The following ULK4 variants were observed in gnomAD, a reference collection of about 807,000 sequenced individuals.
ULK4 encodes the protein unc-51 like kinase 4.
A neutral mutation model predicts 160.6 loss-of-function variants in ULK4; 133 were observed. The ratio of observed to expected loss-of-function variants is 0.83; its 90% CI spans 0.72 to 0.96. The LOEUF (loss-of-function observed/expected upper bound fraction) is 0.96. Among genes scored for constraint, ULK4 ranks in the 40% least tolerant of loss-of-function variants. The pLI is 0.00. For synonymous variants in ULK4, 534 were observed against 539.8 expected, an observed-to-expected ratio of 0.99 and a Z score of 0.15; for missense variants, 1,580 against 1,499.5, an observed-to-expected ratio of 1.05 and a Z score of -0.89.
At chr3:41,457,304 G>A (rs1322574401) in intron 33 of ULK4, among the ~76,000 whole-genome samples, 1 of 152,078 alleles carries the variant, frequency 6.6e-6, no homozygotes, top group Non-Finnish European at 1.5e-5. Context: ...AACACTGTAG[G>A]ACTTTTTCCA....
intron 32 of ULK4, among the ~76,000 whole-genome samples, chr3:41,535,588 A>G (rs555980319): frequency 6.6e-6 from 1 of 152,256 alleles, no homozygotes; most frequent in Non-Finnish European, 1.5e-5. Context: ...GCAAAGATTT[A>G]CAGTAGACTT....
At chr3:41,345,129 T>C (rs2080773048) in intron 35 of ULK4, among the ~76,000 whole-genome samples, 1 of 152,108 alleles carries the variant, frequency 6.6e-6, no homozygotes. Flanking sequence ...AAACAACAGA[T>C]GCTGATGAGA....
rs77716609 is a variant in ULK4, at chr3:41,380,548, A to G, written c.3678+17531T>C. Among the ~76,000 whole-genome samples, 1,018 of 152,166 alleles carry G rather than the reference A, an allele frequency of 6.7e-3. 5 individuals carry two copies. Among genetic ancestry groups the G allele is most frequent in the African/African-American group, 0.015 (627 of 41,508 alleles). Reference sequence around the variant, plus strand: ...GGAGGTCACCTCTGTCCTGGCTGGAATCAGGAGTCATCCCAGAACTCTTCA... The same window carrying G: ...GGAGGTCACCTCTGTCCTGGCTGGAGTCAGGAGTCATCCCAGAACTCTTCA... On this transcript the variant is annotated intron_variant, in intron 35 of 36. Coordinates refer to ENST00000301831, the MANE Select transcript of ULK4 (RefSeq NM_017886.4).
chr3:41,553,929 T>G (rs1247026703), intron 32 of ULK4, among the ~76,000 whole-genome samples: 1 of 152,102 alleles, frequency 6.6e-6, no homozygotes. Flanking sequence ...TATTCATTCT[T>G]TCTAACTATT....
Position 41,717,867 on chromosome 3 carries a change from T to A in ULK4, c.2322-6A>T. On this transcript the variant is annotated splice_polypyrimidine_tract_variant and splice_region_variant and intron_variant, in intron 22 of 36. Transcript: ENST00000301831. ...TCTCGATGTACATCACCAGTCTACA[T>A]ACAGGAAAGTGCAAAGATTACCTCT... is the stretch of plus-strand genomic sequence containing the variant. The A allele has an allele frequency of 6.2e-7, 1 of 1,613,600 alleles. No individual in the cohort carries two copies. The highest frequency in any genetic ancestry group is 1.1e-5 in the South Asian group (1 of 90,992).
chr3:41,400,285 T>G (rs1158158416), intron 34 of ULK4, among the ~76,000 whole-genome samples: 1 of 151,890 alleles, frequency 6.6e-6, no homozygotes, highest in African/African-American at 2.4e-5. Flanking sequence ...TGTGTAGATT[T>G]GGTGACAACC....
chr3:41,845,806 T>C (rs896929746), intron 17 of ULK4, among the ~76,000 whole-genome samples: 1 of 152,166 alleles, frequency 6.6e-6, no homozygotes, highest in Non-Finnish European at 1.5e-5. Context: ...TCCCCAATGT[T>C]GGATCACAAC....
intron 35 of ULK4, among the ~76,000 whole-genome samples, chr3:41,367,289 T>C (rs1003972084): frequency 6.6e-6 from 1 of 152,244 alleles, no homozygotes; most frequent in Non-Finnish European, 1.5e-5. Flanking sequence ...TTCTCCTAAG[T>C]AGATGCTGCC....
intron 2 of ULK4, among the ~76,000 whole-genome samples, chr3:41,952,449 A>G (rs1337188011): frequency 1.3e-5 from 2 of 152,246 alleles, no homozygotes; most frequent in African/African-American, 4.8e-5. Context: ...CAAATTGTCT[A>G]TAAGCATATG....
chr3:41,831,531 A>ATATAGATATATAGATATAT, intron 18 of ULK4, among the ~76,000 whole-genome samples: 1 of 138,066 alleles, frequency 7.2e-6, no homozygotes, highest in African/African-American at 2.8e-5. Context: ...ATATATATAT[A>ATATAGATATATAGATATAT]TTTTTTTTTC....
intron 32 of ULK4, among the ~76,000 whole-genome samples, chr3:41,523,428 A>G (rs1417117538): frequency 2.6e-5 from 4 of 152,260 alleles, no homozygotes; most frequent in Admixed American, 2.6e-4. Flanking sequence ...ATGAATGGTC[A>G]TAATGGTTAC....
intron 33 of ULK4, among the ~76,000 whole-genome samples, chr3:41,456,589 T>C (rs546710285): frequency 2.1e-4 from 32 of 152,372 alleles, no homozygotes; most frequent in African/African-American, 7.7e-4. Context: ...GCAGGGGTTT[T>C]ATAGAACTGT....
At position 41,545,690 on chromosome 3, in the gene ULK4, T is replaced by G. The variant is rs1047663948; in HGVS notation, c.3226+20335A>C. ...TGCTTTACCAAATTTGTGAAGATCTTGGCCATTACTTCTTTAAATTCTTTT... is the reference window on the plus strand; with the variant it reads ...TGCTTTACCAAATTTGTGAAGATCTGGGCCATTACTTCTTTAAATTCTTTT... On this transcript the variant is annotated intron_variant, in intron 32 of 36. Coordinates refer to ENST00000301831, the MANE Select transcript of ULK4 (RefSeq NM_017886.4). Among the ~76,000 whole-genome samples the G allele has an allele frequency of 9.9e-5, 15 of 151,768 alleles. No individual in the cohort carries two copies. In the East Asian group the frequency reaches 2.7e-3, roughly 28 times the overall value.
intron 3 of ULK4, among the ~76,000 whole-genome samples, chr3:41,936,212 C>G (rs1699771741): frequency 6.6e-6 from 1 of 152,070 alleles, no homozygotes; most frequent in African/African-American, 2.4e-5. Context: ...GGATAATAAC[C>G]CTAACAGCTA....
chr3:41,794,685 A>AAAAAAAAAAAAAACAC (rs1553654846), intron 20 of ULK4, among the ~76,000 whole-genome samples: 1 of 129,028 alleles, frequency 7.8e-6, no homozygotes, highest in Non-Finnish European at 1.6e-5. Flanking sequence ...AAAAAAAAAA[A>AAAAAAAAAAAAAACAC]ACACAGAAAA....
At chr3:41,493,624 A>C (rs922168015) in intron 32 of ULK4, among the ~76,000 whole-genome samples, 1 of 139,322 alleles carries the variant, frequency 7.2e-6, no homozygotes, top group Admixed American at 7.2e-5. Flanking sequence ...CCTTCAAAAA[A>C]TCAGGGAATC....
chr3:41,295,209 T>TGACACA (rs1297247399), intron 35 of ULK4, among the ~76,000 whole-genome samples: 13 of 75,776 alleles, frequency 1.7e-4, no homozygotes, highest in South Asian at 4.7e-4. Flanking sequence ...ACATAGTTTT[T>TGACACA]TCAAGAAATA....
intron 32 of ULK4, among the ~76,000 whole-genome samples, chr3:41,471,748 G>C (rs2083997358): frequency 6.6e-6 from 1 of 151,796 alleles, no homozygotes; most frequent in African/African-American, 2.4e-5. Context: ...ACATGTTCCT[G>C]AACAACCAAT....
intron 2 of ULK4, among the ~76,000 whole-genome samples, chr3:41,940,011 G>A (rs796443259): frequency 6.6e-5 from 10 of 151,918 alleles, no homozygotes; most frequent in Admixed American, 2.0e-4. Flanking sequence ...GTTGGGTACC[G>A]GTGCCATAGT....
Sources: gnomAD v4.1 joint callset for allele counts (sites outside exome capture counted in the v4.1 genomes callset) on GRCh38, gnomAD v4.1.1 for gene constraint, MANE v1.5 for transcripts, NCBI Gene and HGNC (gene_info 2026-07-23, HGNC 2026-07-21) for gene names.